The following PLSCR1 variants were observed in gnomAD, a reference collection of about 807,000 sequenced individuals.
PLSCR1 encodes phospholipid scramblase 1.
In PLSCR1, 17 loss-of-function variants were observed where a neutral mutation model predicts 37.8. That is an observed-to-expected ratio of 0.45 (90% CI 0.31 to 0.68). The LOEUF (loss-of-function observed/expected upper bound fraction) is 0.68. Among genes scored for constraint, PLSCR1 ranks in the 30% least tolerant of loss-of-function variants. PLSCR1 has a pLI of 0.06. For synonymous variants in PLSCR1, 116 were observed against 125.9 expected (o/e 0.92, Z 0.53); for missense variants, 347 against 380.9 (o/e 0.91, Z 0.74).
chr3:146,522,078 T>C (rs748511205), intron 5 of PLSCR1, 25 bp from the exon 6 acceptor site: 7 of 1,205,042 alleles, frequency 5.8e-6, no homozygotes, highest in South Asian at 2.4e-5. Context: ...GACGAAATCA[T>C]AATCACCTCT....
chr3:146,522,295 T>C (rs2044034646), intron 5 of PLSCR1, among the ~76,000 whole-genome samples: 1 of 152,158 alleles, frequency 6.6e-6, no homozygotes, highest in Non-Finnish European at 1.5e-5. Flanking sequence ...ATTGTTACCA[T>C]GTCTGTGTAG....
At chr3:146,533,294 A>G (rs1218668031) in intron 3 of PLSCR1, among the ~76,000 whole-genome samples, 176 bp downstream of exon 3, 1 of 152,222 alleles carries the variant, frequency 6.6e-6, no homozygotes, top group African/African-American at 2.4e-5. Context: ...CCAAATAAAA[A>G]TAATCAAGAA....
Position 146,528,692 on chromosome 3 carries a change from A to AACTGGCTGATTATAT in PLSCR1, c.219_233dup (p.Tyr74_Val78dup), listed in dbSNP as rs560058273. The stretch of plus-strand genomic sequence containing the variant: ...GCATCCATGGTACCCCTGCAGCTCC[A>AACTGGCTGATTATAT]ACTGGCTGATTATATACTGGCTGAT... On this transcript the variant is annotated inframe_insertion, in exon 4 of 9. Coordinates refer to ENST00000342435, the MANE Select transcript of PLSCR1 (RefSeq NM_021105.3). The AACTGGCTGATTATAT allele has an allele frequency of 6.2e-7, 1 of 1,614,194 alleles. No individual in the cohort carries two copies. Among genetic ancestry groups the AACTGGCTGATTATAT allele is most frequent in the Non-Finnish European group, 8.5e-7 (1 of 1,180,016 alleles).
intron 3 of PLSCR1, among the ~76,000 whole-genome samples, chr3:146,529,932 CTATTA>C (rs2044173220): frequency 6.6e-6 from 1 of 152,144 alleles, no homozygotes; most frequent in South Asian, 2.1e-4. Context: ...AAATAAAATT[CTATTA>C]TAATATTTAG....
intron 2 of PLSCR1, among the ~76,000 whole-genome samples, chr3:146,535,206 A>G (rs2044249977): frequency 6.6e-6 from 1 of 152,150 alleles, no homozygotes; most frequent in Non-Finnish European, 1.5e-5. Context: ...TCACATTGTG[A>G]TACCTCTTAA....
At chr3:146,534,800 C>T (rs192908009) in intron 2 of PLSCR1, among the ~76,000 whole-genome samples, 171 of 152,190 alleles carry the variant, frequency 1.1e-3, no homozygotes, top group African/African-American at 3.2e-3. Context: ...CACTTAAACC[C>T]GGGAGGCGGA....
At chr3:146,534,580 T>C (rs116199156) in intron 2 of PLSCR1, among the ~76,000 whole-genome samples, 7,400 of 152,100 alleles carry the variant, frequency 0.049, 210 homozygotes, top group African/African-American at 0.059. Context: ...CCCCGGCCTT[T>C]CTCCTTCATA....
Position 146,517,177 on chromosome 3 carries a change from A to T in PLSCR1, c.739-10T>A. 1 of 1,464,398 alleles carries T rather than the reference A, an allele frequency of 6.8e-7. No homozygotes were observed. Among genetic ancestry groups the T allele is most frequent in the Non-Finnish European group, 9.2e-7 (1 of 1,089,038 alleles). The allele number at this position is 1,464,398 out of a possible 1,614,324, so 90.7% of individuals were successfully genotyped here. A position where few individuals can be genotyped will look rare whatever the true frequency, so the allele number is the denominator to read the frequency against. Reference sequence around the variant, plus strand: ...CATCAAGAGATTTAATCTAAATTGAAAAAAAAAAGTATTAAATACTTTTAG... The same window carrying T: ...CATCAAGAGATTTAATCTAAATTGATAAAAAAAAGTATTAAATACTTTTAG... On this transcript the variant is annotated splice_polypyrimidine_tract_variant and intron_variant, in intron 7 of 8. Coordinates refer to ENST00000342435, the MANE Select transcript of PLSCR1 (RefSeq NM_021105.3).
At chr3:146,528,558 A>G (rs2044151209) in intron 4 of PLSCR1, 56 bp downstream of exon 4, 1 of 1,392,554 alleles carries the variant, frequency 7.2e-7, no homozygotes, top group Non-Finnish European at 1.0e-6. Context: ...AATCTGGTTA[A>G]GCAAGCTGGA....
intron 3 of PLSCR1, among the ~76,000 whole-genome samples, chr3:146,530,189 T>C (rs1428386001): frequency 4.6e-5 from 7 of 152,210 alleles, no homozygotes; most frequent in Admixed American, 3.3e-4. Flanking sequence ...ATTTTAACAT[T>C]AAAGCCTATG....
Position 146,533,487 on chromosome 3 carries a change from G to A in PLSCR1, c.77C>T (p.Pro26Leu). The A allele has an allele frequency of 6.3e-7, 1 of 1,598,142 alleles. No individual in the cohort carries two copies. Among genetic ancestry groups the A allele is most frequent in the Non-Finnish European group, 8.6e-7 (1 of 1,168,168 alleles). Residue 26 changes from proline (P) to leucine (L), a missense_variant, in exon 3 of 9, where the codon CCA becomes CTA. Transcript: ENST00000342435. ...NLPVGYPPQY[P>L]PTAFQGPPGY... ...TGCTTTACCTTGGAATGCTGTCGGT[G>A]GATACTGAGGAGGATACCCAACTGG...
chr3:146,523,451 A>G (rs557879417), intron 5 of PLSCR1, among the ~76,000 whole-genome samples: 2 of 152,300 alleles, frequency 1.3e-5, no homozygotes, highest in East Asian at 1.9e-4. Flanking sequence ...TATTAAATCA[A>G]TTGGTTTGAG....
chr3:146,515,990 T>C lies in PLSCR1; in HGVS notation c.*55A>G, dbSNP rs2043940603. 9 of 1,074,404 alleles carry C rather than the reference T, an allele frequency of 8.4e-6. No homozygotes were observed. Among genetic ancestry groups the C allele is most frequent in the Non-Finnish European group, 1.3e-5 (9 of 693,748 alleles). 66.6% of individuals were successfully genotyped at this position (1,074,404 alleles called of 1,614,324 possible). ...TAATTCATACAGGTATGAGTTTAGA[T>C]AGTCTCAATCAATATACAGACTTCA... On this transcript the variant is annotated 3_prime_UTR_variant, in exon 9 of 9. Coordinates refer to ENST00000342435, the MANE Select transcript of PLSCR1 (RefSeq NM_021105.3).
intron 2 of PLSCR1, among the ~76,000 whole-genome samples, chr3:146,535,248 A>AACAC (rs140749399): frequency 1.5e-4 from 22 of 151,334 alleles, no homozygotes; most frequent in African/African-American, 4.9e-5. Context: ...TATAACATAG[A>AACAC]ACACACACAC....
At chr3:146,525,743 A>G (rs921013960) in intron 4 of PLSCR1, 96 bp from the exon 5 acceptor site, 2 of 584,870 alleles carry the variant, frequency 3.4e-6, no homozygotes, top group South Asian at 2.5e-5. Flanking sequence ...TTTTTAAAGT[A>G]CATGTAACCA....
At chr3:146,537,836 T>G (rs1347814228) in intron 1 of PLSCR1, among the ~76,000 whole-genome samples, 1 of 152,156 alleles carries the variant, frequency 6.6e-6, no homozygotes, top group Admixed American at 6.6e-5. Context: ...CATCACTGCA[T>G]TCCAGCCTGG....
At chr3:146,527,219 G>C (rs1182050097) in intron 4 of PLSCR1, among the ~76,000 whole-genome samples, 1 of 152,094 alleles carries the variant, frequency 6.6e-6, no homozygotes, top group Non-Finnish European at 1.5e-5. Flanking sequence ...GTTGGTTAAT[G>C]AATACAAAAT....
chr3:146,525,219 A>G (rs2044090173), intron 5 of PLSCR1, among the ~76,000 whole-genome samples: 1 of 152,228 alleles, frequency 6.6e-6, no homozygotes, highest in South Asian at 2.1e-4. Context: ...AATTTTCCCA[A>G]ACTTCCTCAT....
At chr3:146,528,514 G>T in intron 4 of PLSCR1, 100 bp downstream of exon 4, 1 of 924,222 alleles carries the variant, frequency 1.1e-6, no homozygotes, top group Non-Finnish European at 1.8e-6. Context: ...ATACAGTTTT[G>T]CTATTTCAGA....
Sources: gnomAD v4.1 joint callset for allele counts (sites outside exome capture counted in the v4.1 genomes callset) on GRCh38, gnomAD v4.1.1 for gene constraint, MANE v1.5 for transcripts, NCBI Gene and HGNC (gene_info 2026-07-23, HGNC 2026-07-21) for gene names.